The following CEACAM5 variants were observed in gnomAD, a reference collection of about 807,000 sequenced individuals.
The protein encoded by CEACAM5 is CEA cell adhesion molecule 5.
Under a neutral mutation model 63.0 loss-of-function variants are expected in CEACAM5, and 52 were observed. That is an observed-to-expected ratio of 0.83 (90% CI 0.66 to 1.04). The LOEUF (loss-of-function observed/expected upper bound fraction) is 1.04. CEACAM5 is among the 50% of genes least tolerant of loss of function. The probability of loss-of-function intolerance (pLI) is 0.00; values close to 1 mark genes in which losing one functional copy is unlikely to be tolerated. For synonymous variants in CEACAM5, 357 were observed against 351.3 expected (o/e 1.02, Z -0.18); for missense variants, 790 against 864.8 (o/e 0.91, Z 1.08).
intron 3 of CEACAM5, 46 bp from the exon 4 acceptor site, chr19:41,715,604 C>A (rs1555814869): frequency 3.1e-6 from 5 of 1,608,840 alleles, no homozygotes; most frequent in Non-Finnish European, 4.2e-6. Flanking sequence ...GGAACTTCCA[C>A]TTCCCTCTGA....
chr19:41,709,440 C>T lies in CEACAM5; in HGVS notation c.65-240C>T, dbSNP rs375743111. The stretch of plus-strand genomic sequence containing the variant: ...GACCTGAAGGCAATGGGGAGGGAGC[C>T]GTGAAGACCCCTGGAAAAGCAGATT... On this transcript the variant is annotated intron_variant, in intron 1 of 9. Transcript: ENST00000221992. Among the ~76,000 whole-genome samples the T allele has an allele frequency of 3.3e-5, 5 of 152,032 alleles. No individual in the cohort carries two copies. In the East Asian group the frequency reaches 9.6e-4, roughly 29 times the overall value.
At chr19:41,711,900 A>G (rs1197894119) in intron 2 of CEACAM5, among the ~76,000 whole-genome samples, 1 of 151,678 alleles carries the variant, frequency 6.6e-6, no homozygotes, top group Non-Finnish European at 1.5e-5. Context: ...TAGGGAAGGC[A>G]CAGAAATCAC....
At chr19:41,722,204 G>GAA (rs1225503230) in intron 8 of CEACAM5, among the ~76,000 whole-genome samples, 1 of 144,270 alleles carries the variant, frequency 6.9e-6, no homozygotes, top group African/African-American at 2.5e-5. Flanking sequence ...TCAAGATACA[G>GAA]AAAAAAAAAA....
intron 8 of CEACAM5, 32 bp from the exon 9 acceptor site, chr19:41,727,202 C>T: frequency 6.5e-7 from 1 of 1,533,574 alleles, no homozygotes; most frequent in Non-Finnish European, 9.0e-7. Context: ...ACATTCATTC[C>T]TTCTCTTTTC....
intron 7 of CEACAM5, 55 bp downstream of exon 7, chr19:41,720,263 C>T: frequency 6.3e-7 from 1 of 1,576,860 alleles, no homozygotes; most frequent in Non-Finnish European, 8.7e-7. Context: ...TCCACACAGC[C>T]AGAGGCCAGG....
rs150428325 is a variant in CEACAM5 at position 41,709,768 on chromosome 19, G to A, written c.153G>A (p.Val51=). ...TCAATGTCGCAGAGGGGAAGGAGGT[G>A]CTTCTACTTGTCCACAATCTGCCCC... The part of the protein sequence containing the change: ...TPFNVAEGKE[V]LLLVHNLPQH... Residue 51 remains valine (V), a synonymous_variant, in exon 2 of 10, where the codon GTG becomes GTA. Transcript: ENST00000221992. The A allele has an allele frequency of 6.2e-7, 1 of 1,614,026 alleles. No individual in the cohort carries two copies. Among genetic ancestry groups the A allele is most frequent in the Admixed American group, 1.7e-5 (1 of 60,004 alleles).
At chr19:41,723,631 G>A (rs149046297) in intron 8 of CEACAM5, among the ~76,000 whole-genome samples, 7 of 151,914 alleles carry the variant, frequency 4.6e-5, no homozygotes, top group Admixed American at 1.3e-4. Flanking sequence ...TCACTTTCTC[G>A]ATAATGTTCT....
intron 2 of CEACAM5, 67 bp from the exon 3 acceptor site, chr19:41,714,904 A>C (rs2072494433): frequency 2.5e-6 from 4 of 1,606,002 alleles, no homozygotes; most frequent in Non-Finnish European, 3.4e-6. Flanking sequence ...GCCAACTCTG[A>C]TTGAAAGATG....
Position 41,709,727 on chromosome 19 carries a change from A to G in CEACAM5, c.112A>G (p.Ile38Val), listed in dbSNP as rs782156211. 10 of 1,614,100 alleles carry G rather than the reference A, an allele frequency of 6.2e-6. 1 individual carries two copies. The highest frequency in any genetic ancestry group is 4.4e-5 in the South Asian group (4 of 91,084). Reference protein sequence around the residue: ...WNPPTTAKLTIESTPFNVAEG... With the variant: ...WNPPTTAKLTVESTPFNVAEG... The stretch of plus-strand genomic sequence containing the variant: ...CCCGCCCACCACTGCCAAGCTCACT[A>G]TTGAATCCACGCCGTTCAATGTCGC... Residue 38 changes from isoleucine to valine, a missense_variant, in exon 2 of 10, where the codon ATT (isoleucine) becomes GTT (valine). Ile to Val is a conservative substitution (Grantham distance 29). Transcript: ENST00000221992.
chr19:41,710,106 A>G, intron 2 of CEACAM5, 67 bp downstream of exon 2: 1 of 1,561,096 alleles, frequency 6.4e-7, no homozygotes, highest in Non-Finnish European at 8.6e-7. Context: ...CAGGATTATC[A>G]GGCCTGGGCT....
intron 8 of CEACAM5, 55 bp from the exon 9 acceptor site, chr19:41,727,179 G>A (rs1555817217): frequency 1.5e-6 from 2 of 1,375,726 alleles, no homozygotes; most frequent in Non-Finnish European, 2.1e-6. Context: ...GCACCCCACT[G>A]TAAAATAACA....
intron 8 of CEACAM5, among the ~76,000 whole-genome samples, chr19:41,721,891 C>T (rs1568710518): frequency 6.6e-6 from 1 of 152,188 alleles, no homozygotes; most frequent in East Asian, 1.9e-4. Flanking sequence ...GCTGTGGACA[C>T]AGCACATAGG....
At position 41,717,651 on chromosome 19, in the gene CEACAM5, G is replaced by A; in HGVS notation, c.1155G>A (p.Arg385=). Residue 385 remains arginine (R), a synonymous_variant, in exon 5 of 10, where the codon AGG becomes AGA. Transcript: ENST00000221992. ...NRTLTLLSVT[R]NDVGPYECGI... is the part of the protein sequence containing the mutation. ...CCCTCACTCTACTCAGTGTCACAAG[G>A]AATGATGTAGGACCCTATGAGTGTG... The A allele has an allele frequency of 2.5e-6, 4 of 1,614,216 alleles. No homozygotes were observed. Among genetic ancestry groups the A allele is most frequent in the Non-Finnish European group, 3.4e-6 (4 of 1,180,038 alleles).
Position 41,730,137 on chromosome 19 carries a change from T to C in CEACAM5, c.*990T>C, listed in dbSNP as rs536943361. Among the ~76,000 whole-genome samples the C allele has an allele frequency of 6.6e-6, 1 of 152,296 alleles. No individual in the cohort carries two copies. Among genetic ancestry groups the C allele is most frequent in the East Asian group, 1.9e-4 (1 of 5,184 alleles). Reference sequence around the variant, plus strand: ...CAAAGCAACTTTAAAAAAGTCTGTGTGGGCCGGGCGCGGTGGCTCACGCCT... The same window carrying C: ...CAAAGCAACTTTAAAAAAGTCTGTGCGGGCCGGGCGCGGTGGCTCACGCCT... On this transcript the variant is annotated 3_prime_UTR_variant, in exon 10 of 10. Coordinates refer to ENST00000221992, the MANE Select transcript of CEACAM5 (RefSeq NM_004363.6).
intron 6 of CEACAM5, among the ~76,000 whole-genome samples, chr19:41,719,141 G>A (rs986961154): frequency 2.0e-5 from 3 of 152,158 alleles, no homozygotes; most frequent in Non-Finnish European, 4.4e-5. Flanking sequence ...GCACACACTT[G>A]GAGACACACA....
chr19:41,710,899 C>A (rs576503596), intron 2 of CEACAM5, among the ~76,000 whole-genome samples: 1 of 152,152 alleles, frequency 6.6e-6, no homozygotes, highest in African/African-American at 2.4e-5. Context: ...CACAAACAAC[C>A]TCACAGCCAA....
At position 41,715,200 on chromosome 19, in the gene CEACAM5, G is replaced by A. The variant is rs1309528618; in HGVS notation, c.654G>A (p.Gln218=). ...CAGCAAGCTACAAATGTGAAACCCA[G>A]AACCCAGTGAGTGCCAGGCGCAGTG... ...NDTASYKCET[Q]NPVSARRSDS... Residue 218 remains glutamine (Q), a synonymous_variant, in exon 3 of 10, where the codon CAG becomes CAA. Transcript: ENST00000221992. 1 of 1,614,078 alleles carries A rather than the reference G, an allele frequency of 6.2e-7. No individual in the cohort carries two copies. Among genetic ancestry groups the A allele is most frequent in the African/African-American group, 1.3e-5 (1 of 74,904 alleles).
rs1555816089 is a variant in CEACAM5 at position 41,720,949 on chromosome 19, C to T, written c.1799C>T (p.Pro600Leu). The change falls in exon 8 of 10, where the codon CCC (proline) becomes CTC (leucine). Residue 600 changes from proline (P) to leucine (L), a missense_variant. Physicochemically the swap from Pro to Leu is moderately conservative, Grantham distance 98 (BLOSUM62 -3). Transcript: ENST00000221992. The stretch of plus-strand genomic sequence containing the variant: ...GGGCCGGACACCCCCATCATTTCCC[C>T]CCCAGACTCGTCTTACCTTTCGGGA... ...LYGPDTPIISPPDSSYLSGAN... is the reference protein window; with the variant it reads ...LYGPDTPIISLPDSSYLSGAN... 1 of 1,614,134 alleles carries T rather than the reference C, an allele frequency of 6.2e-7. No individual in the cohort carries two copies. Among genetic ancestry groups the T allele is most frequent in the Admixed American group, 1.7e-5 (1 of 60,004 alleles).
At position 41,708,641 on chromosome 19, in the gene CEACAM5, A is replaced by G. The variant is rs1234894508; in HGVS notation, c.-91A>G. The G allele has an allele frequency of 5.3e-6, 6 of 1,133,552 alleles. No homozygotes were observed. The African/African-American group carries it at 6.2e-5, about 12-fold the overall frequency. 70.2% of individuals were successfully genotyped at this position (1,133,552 alleles called of 1,614,324 possible). On this transcript the variant is annotated 5_prime_UTR_variant, in exon 1 of 10. Transcript: ENST00000221992. ...GACTCAGGGCAGAGGGAGGAAGGAC[A>G]GCAGACCAGACAGTCACAGCAGCCT...
Sources: gnomAD v4.1 joint callset for allele counts (sites outside exome capture counted in the v4.1 genomes callset) on GRCh38, gnomAD v4.1.1 for gene constraint, MANE v1.5 for transcripts, NCBI Gene and HGNC (gene_info 2026-07-23, HGNC 2026-07-21) for gene names.